The following PRR12 variants were observed in gnomAD, a reference collection of about 807,000 sequenced individuals.
PRR12 encodes the protein proline rich 12.
A neutral mutation model predicts 138.0 loss-of-function variants in PRR12; 12 were observed. The observed-to-expected ratio is 0.09, with a 90% confidence interval of 0.06 to 0.14. PRR12 has a LOEUF of 0.14. PRR12 is among the 10% of genes least tolerant of loss of function. The pLI is 1.00. For missense variants in PRR12, 2,692 were observed against 2,861.3 expected (o/e 0.94, Z 1.35); for synonymous variants, 1,567 against 1,291.7 (o/e 1.21, Z -4.57).
In PRR12 at chr19:49,594,489, G is replaced by A. The variant is rs73058047; in HGVS notation, c.235G>A (p.Ala79Thr). ...SGLFDTGLHHAGSAGPDASVM... is the reference protein window; with the variant it reads ...SGLFDTGLHHTGSAGPDASVM... ...ACTCTTCGACACTGGCCTCCACCAC[G>A]CGGGCTCAGCAGGGCCCGACGCCTC... Residue 79 changes from alanine to threonine, a missense_variant, in exon 3 of 14, where the codon GCG (alanine) becomes ACG (threonine). Coordinates refer to ENST00000418929, the MANE Select transcript of PRR12 (RefSeq NM_020719.3). The surrounding 1 kb of genome is among the most constrained non-coding windows in gnomAD (Gnocchi z 5.6). The A allele has an allele frequency of 2.3e-3, 3,649 of 1,612,270 alleles. 6 individuals are homozygous for A. The highest frequency in any genetic ancestry group is 2.9e-3 in the Non-Finnish European group (3,472 of 1,179,412).
At position 49,616,199 on chromosome 19, in the gene PRR12, C is replaced by G; in HGVS notation, c.5477C>G (p.Pro1826Arg). The G allele has an allele frequency of 2.6e-6, 4 of 1,542,772 alleles. No homozygotes were observed. The highest frequency in any genetic ancestry group is 3.5e-6 in the Non-Finnish European group (4 of 1,143,236). ...PGSSSDSESSPGAPSEDERAV... is the reference protein window; with the variant it reads ...PGSSSDSESSRGAPSEDERAV... ...AGCTCCTCGGACTCGGAGTCCTCCC[C>G]TGGAGCCCCCAGCGAGGACGGTGAG... The change falls in exon 9 of 14, where the codon CCT becomes CGT. Residue 1826 changes from proline to arginine, a missense_variant. This residue lies in a region of PRR12 where 259 missense variants were observed against 265.1 expected (regional missense o/e 0.98). Transcript: ENST00000418929. This position sits in a 1 kb window ranked among gnomAD's most constrained non-coding sequence, Gnocchi z 4.2.
In PRR12 at chr19:49,599,829, G is replaced by A; in HGVS notation, c.4236G>A (p.Gly1412=). 6.2e-7 allele frequency: 1 copy of A among 1,613,396 alleles called. No homozygotes were observed. The highest frequency in any genetic ancestry group is 8.5e-7 in the Non-Finnish European group (1 of 1,179,894). ...ISALDDPPLA[G]PKDTSTPDGP... ...CCCTCGATGACCCACCCCTTGCTGG[G>A]CCAAAAGACACTTCCACCCCAGATG... The change falls in exon 5 of 14, where the codon GGG becomes GGA. Residue 1412 remains glycine, a synonymous_variant. Transcript: ENST00000418929. This position sits in a 1 kb window ranked among gnomAD's most constrained non-coding sequence, Gnocchi z 5.0.
rs1351269072 is a variant in PRR12 at position 49,625,031 on chromosome 19, G to A, written c.5868+41G>A. 4.3e-6 allele frequency: 7 copies of A among 1,611,030 alleles called. No individual in the cohort carries two copies. The highest frequency in any genetic ancestry group is 3.3e-5 in the South Asian group (3 of 90,932). ...GGGGCTGGGAGTGGGGAGTGCTGGCGGTATGTGGGAAGGGAGGAGAGGGGC... is the reference window on the plus strand; with the variant it reads ...GGGGCTGGGAGTGGGGAGTGCTGGCAGTATGTGGGAAGGGAGGAGAGGGGC... On this transcript the variant is annotated intron_variant, in intron 12 of 13. Transcript: ENST00000418929. This position sits in a 1 kb window ranked among gnomAD's most constrained non-coding sequence, Gnocchi z 5.5.
At chr19:49,609,336 C>T (rs1026035257) in intron 6 of PRR12, among the ~76,000 whole-genome samples, 4 of 151,982 alleles carry the variant, frequency 2.6e-5, no homozygotes, top group Non-Finnish European at 4.4e-5. Context: ...CATGGTGGTT[C>T]GCATCTGTAA....
rs769897139 is a variant in PRR12, at chr19:49,601,630, ACCACCGCCACCG to A, written c.4488_4499del (p.Pro1497_Pro1500del). On this transcript the variant is annotated inframe_deletion, in exon 6 of 14. Transcript: ENST00000418929. ...CGCTGGTGGCCCCCACGCCCAGCTCACCACCGCCACCGCCGCTGCCGCCGCCACCTCCACCAG... is the reference window on the plus strand; with the variant it reads ...CGCTGGTGGCCCCCACGCCCAGCTCACCGCTGCCGCCGCCACCTCCACCAG... 391 of 1,534,376 alleles carry A rather than the reference ACCACCGCCACCG, an allele frequency of 2.5e-4. 2 individuals are homozygous for A. Among genetic ancestry groups the A allele is most frequent in the South Asian group, 2.3e-3 (189 of 83,610 alleles).
intron 6 of PRR12, among the ~76,000 whole-genome samples, chr19:49,602,357 A>G (rs1385479560): frequency 6.6e-6 from 1 of 152,196 alleles, no homozygotes; most frequent in Non-Finnish European, 1.5e-5. Flanking sequence ...GAAATGTGTC[A>G]TTGACATAGA....
At chr19:49,593,747 C>T (rs764297249) in intron 2 of PRR12, among the ~76,000 whole-genome samples, 2 of 152,224 alleles carry the variant, frequency 1.3e-5, no homozygotes, top group South Asian at 2.1e-4. Flanking sequence ...TTCTTTCCCT[C>T]TGGGTTTGCC....
rs757185520 is a variant in PRR12, at chr19:49,601,806, C to T, written c.4661C>T (p.Thr1554Met). The T allele has an allele frequency of 3.7e-6, 6 of 1,611,738 alleles. No homozygotes were observed. Among genetic ancestry groups the T allele is most frequent in the East Asian group, 4.5e-5 (2 of 44,848 alleles). ...RPLHLAKKQETAAVCGETDEE... is the reference protein window; with the variant it reads ...RPLHLAKKQEMAAVCGETDEE... Reference sequence around the variant, plus strand: ...CTGCATCTGGCCAAAAAGCAGGAGACGGCGGCAGTGTGTGGGGAGACGGAC... The same window carrying T: ...CTGCATCTGGCCAAAAAGCAGGAGATGGCGGCAGTGTGTGGGGAGACGGAC... The change falls in exon 6 of 14, where the codon ACG becomes ATG. Residue 1554 changes from threonine (T) to methionine (M), a missense_variant. Thr to Met is a moderately conservative substitution (Grantham distance 81). Transcript: ENST00000418929.
Position 49,616,147 on chromosome 19 carries a change from G to A in PRR12, c.5425G>A (p.Ala1809Thr), listed in dbSNP as rs746074656. ...KKWLKEAGGNATAGGGPPGSS... is the reference protein window; with the variant it reads ...KKWLKEAGGNTTAGGGPPGSS... ...ATGGCTGAAGGAGGCAGGCGGCAAC[G>A]CTACAGCAGGCGGGGGCCCACCAGG... The change falls in exon 9 of 14, where the codon GCT becomes ACT. Residue 1809 changes from alanine to threonine, a missense_variant. Physicochemically the swap from Ala to Thr is moderately conservative, Grantham distance 58. Transcript: ENST00000418929. This position sits in a 1 kb window ranked among gnomAD's most constrained non-coding sequence, Gnocchi z 4.2. The A allele has an allele frequency of 7.0e-6, 11 of 1,563,726 alleles. No homozygotes were observed. The highest frequency in any genetic ancestry group is 9.5e-6 in the Non-Finnish European group (11 of 1,154,620).
chr19:49,597,286 C>T lies in PRR12; in HGVS notation c.2951C>T (p.Pro984Leu), dbSNP rs1266720095. The change falls in exon 4 of 14, where the codon CCC becomes CTC. Residue 984 changes from proline (P) to leucine (L), a missense_variant. By Grantham distance (98) the Pro-to-Leu change is moderately conservative. Coordinates refer to ENST00000418929, the MANE Select transcript of PRR12 (RefSeq NM_020719.3). This position sits in a 1 kb window ranked among gnomAD's most constrained non-coding sequence, Gnocchi z 6.3. The stretch of plus-strand genomic sequence containing the variant: ...GCTGGCGCTGGGCCACCCCCCGGCC[C>T]CCCTGCTTATGATCCCTATGGGCCC... ...PKAGAGPPPGPPAYDPYGPYC... is the reference protein window; with the variant it reads ...PKAGAGPPPGLPAYDPYGPYC... The T allele has an allele frequency of 6.4e-7, 1 of 1,562,458 alleles. No homozygotes were observed. The highest frequency in any genetic ancestry group is 8.7e-7 in the Non-Finnish European group (1 of 1,155,612).
At chr19:49,603,120 A>G (rs2080820847) in intron 6 of PRR12, among the ~76,000 whole-genome samples, 1 of 152,362 alleles carries the variant, frequency 6.6e-6, no homozygotes, top group South Asian at 2.1e-4. Context: ...CTGGCTCATC[A>G]TGAATAAAGT....
Position 49,598,004 on chromosome 19 carries a change from G to A in PRR12, c.3669G>A (p.Lys1223=), listed in dbSNP as rs1172291300. The change falls in exon 4 of 14, where the codon AAG becomes AAA. Residue 1223 remains lysine (K), a synonymous_variant. Coordinates refer to ENST00000418929, the MANE Select transcript of PRR12 (RefSeq NM_020719.3). Reference sequence around the variant, plus strand: ...GGGGCACCCGGTTGGAGCCCCTGAAGCCACTTAAGGTGAGGGGAAATGGGG... The same window carrying A: ...GGGGCACCCGGTTGGAGCCCCTGAAACCACTTAAGGTGAGGGGAAATGGGG... ...EAGGTRLEPL[K]PLKIKLSVPK... 1 of 1,376,814 alleles carries A rather than the reference G, an allele frequency of 7.3e-7. No individual in the cohort carries two copies. Among genetic ancestry groups the A allele is most frequent in the Non-Finnish European group, 9.4e-7 (1 of 1,067,146 alleles). 85.3% of individuals were successfully genotyped at this position (1,376,814 alleles called of 1,614,324 possible).
At chr19:49,593,243 C>T (rs899838281) in intron 1 of PRR12, 84 bp from the exon 2 acceptor site, 1 of 662,032 alleles carries the variant, frequency 1.5e-6, no homozygotes, top group Admixed American at 2.9e-5. Flanking sequence ...GGAAGGGTCC[C>T]CCCAACTCCC....
chr19:49,596,125 C>T lies in PRR12; in HGVS notation c.1790C>T (p.Ala597Val), dbSNP rs528524718. 35 of 1,604,460 alleles carry T rather than the reference C, an allele frequency of 2.2e-5. No homozygotes were observed. The highest frequency in any genetic ancestry group is 9.9e-5 in the South Asian group (9 of 91,090). ...TACCTGAGCTCAGTCTTGGCCTCAG[C>T]GCCTTTCCTGGCACCTCCGGGAGCT... ...GKYLSSVLAS[A>V]PFLAPPGAGS... The change falls in exon 4 of 14, where the codon GCG (alanine) becomes GTG (valine). Residue 597 changes from alanine to valine, a missense_variant. This residue lies in a region of PRR12 where 66 missense variants were observed against 102.4 expected (regional missense o/e 0.64). Coordinates refer to ENST00000418929, the MANE Select transcript of PRR12 (RefSeq NM_020719.3). The surrounding 1 kb of genome is among the most constrained non-coding windows in gnomAD (Gnocchi z 5.6).
At position 49,595,702 on chromosome 19, in the gene PRR12, C is replaced by T. The variant is rs2080762878; in HGVS notation, c.1367C>T (p.Ala456Val). Reference sequence around the variant, plus strand: ...CCTCAAGGGCTTCTGGGACCCCAGGCCTACGGGCAAGGGTTTGGAGGGGGG... The same window carrying T: ...CCTCAAGGGCTTCTGGGACCCCAGGTCTACGGGCAAGGGTTTGGAGGGGGG... Reference protein sequence around the residue: ...GQPQGLLGPQAYGQGFGGGQA... With the variant: ...GQPQGLLGPQVYGQGFGGGQA... The change falls in exon 4 of 14, where the codon GCC becomes GTC. Residue 456 changes from alanine to valine, a missense_variant. Physicochemically the swap from Ala to Val is moderately conservative, Grantham distance 64. Coordinates refer to ENST00000418929, the MANE Select transcript of PRR12 (RefSeq NM_020719.3). 3 of 1,591,690 alleles carry T rather than the reference C, an allele frequency of 1.9e-6. No homozygotes were observed. The highest frequency in any genetic ancestry group is 2.2e-5 in the East Asian group (1 of 44,692).
In PRR12 at chr19:49,620,468, G is replaced by A. The variant is rs1296026643; in HGVS notation, c.5614G>A (p.Asp1872Asn). 1 of 1,562,898 alleles carries A rather than the reference G, an allele frequency of 6.4e-7. No individual in the cohort carries two copies. Among genetic ancestry groups the A allele is most frequent in the Admixed American group, 1.9e-5 (1 of 51,706 alleles). Residue 1872 changes from aspartate (D) to asparagine (N), a missense_variant, in exon 10 of 14, where the codon GAC (aspartate) becomes AAC (asparagine). Asp to Asn is a conservative substitution (Grantham distance 23). Transcript: ENST00000418929. ...LDPDMIQALE[D>N]THDELYLPPM... is the part of the protein sequence containing the mutation. ...CCCAGACATGATCCAGGCCCTGGAG[G>A]ACACGCATGGTGAGCTGAGGCCTGG...
At position 49,599,989 on chromosome 19, in the gene PRR12, C is replaced by T. The variant is rs1435073586; in HGVS notation, c.4345+51C>T. 4 of 1,481,212 alleles carry T rather than the reference C, an allele frequency of 2.7e-6. No homozygotes were observed. Among genetic ancestry groups the T allele is most frequent in the Admixed American group, 2.2e-5 (1 of 45,194 alleles). The allele number at this position is 1,481,212 out of a possible 1,614,324, so 91.8% of individuals were successfully genotyped here. ...AGTAGAGCTTAAAGGTTATTATGAT[C>T]ACTAGGTAACAGTTGTGCAGGTTAC... On this transcript the variant is annotated intron_variant, in intron 5 of 13. Transcript: ENST00000418929. The surrounding 1 kb of genome is among the most constrained non-coding windows in gnomAD (Gnocchi z 5.0).
At chr19:49,617,667 A>G (rs1430246690) in intron 9 of PRR12, among the ~76,000 whole-genome samples, 1 of 152,164 alleles carries the variant, frequency 6.6e-6, no homozygotes, top group African/African-American at 2.4e-5. Context: ...AGATGAAGAA[A>G]CTGAGGCACC....
Position 49,595,241 on chromosome 19 carries a change from AC to A in PRR12, c.911del (p.Pro304ArgfsTer11). The A allele has an allele frequency of 7.0e-7, 1 of 1,430,314 alleles. No individual in the cohort carries two copies. 88.6% of individuals were successfully genotyped at this position (1,430,314 alleles called of 1,614,324 possible). A position where few individuals can be genotyped will look rare whatever the true frequency, so the allele number is the denominator to read the frequency against. ...GGCCAGCCAGTGCCCAGCCCCCACCACCCCCGCCACCAGCCCATGCGCTCCA... is the reference window on the plus strand; with the variant it reads ...GGCCAGCCAGTGCCCAGCCCCCACCACCCCGCCACCAGCCCATGCGCTCCA... Reference protein sequence around the residue: ...QRPASAQPPPPPPPAHALQHY... With the variant: ...QRPASAQPPPXPPPAHALQHY... On this transcript the variant is annotated frameshift_variant, in exon 4 of 14. Coordinates refer to ENST00000418929, the MANE Select transcript of PRR12 (RefSeq NM_020719.3). LOFTEE classifies it high-confidence loss of function.
Sources: gnomAD v4.1 joint callset for allele counts (sites outside exome capture counted in the v4.1 genomes callset) on GRCh38, gnomAD v4.1.1 for gene constraint, gnomAD v4.1.1 regional missense constraint, Gnocchi (gnomAD v3.1) non-coding constraint, MANE v1.5 for transcripts, NCBI Gene and HGNC (gene_info 2026-07-23, HGNC 2026-07-21) for gene names.